The following BMERB1 variants were observed in gnomAD, a reference collection of about 807,000 sequenced individuals.
The protein encoded by BMERB1 is bMERB domain-containing protein 1.
A neutral mutation model predicts 23.6 loss-of-function variants in BMERB1; 12 were observed. The observed-to-expected ratio is 0.51, with a 90% CI of 0.33 to 0.82. BMERB1 has a LOEUF of 0.82. Among genes scored for constraint, BMERB1 ranks in the 40% least tolerant of loss-of-function variants. The pLI, the probability that BMERB1 is intolerant of heterozygous loss-of-function variation, is 0.03. For synonymous variants in BMERB1, 122 were observed against 96.6 expected (o/e 1.26, Z -1.54); for missense variants, 247 against 255.4 (o/e 0.97, Z 0.22).
intron 1 of BMERB1, among the ~76,000 whole-genome samples, chr16:15,446,877 A>C (rs1373011746): frequency 6.6e-6 from 1 of 152,188 alleles, no homozygotes. Flanking sequence ...AGACGTTCAC[A>C]AAAATGGAGG....
intron 2 of BMERB1, among the ~76,000 whole-genome samples, chr16:15,516,079 C>T (rs1209952986): frequency 1.3e-5 from 2 of 151,958 alleles, no homozygotes; most frequent in Non-Finnish European, 2.9e-5. Flanking sequence ...GAGCTATGAT[C>T]GCATCACCAC....
At chr16:15,548,632 G>A (rs2029993288) in intron 2 of BMERB1, among the ~76,000 whole-genome samples, 1 of 152,144 alleles carries the variant, frequency 6.6e-6, no homozygotes, top group African/African-American at 2.4e-5. Context: ...ACTCATTCTA[G>A]TCCTAGCCTG....
At chr16:15,484,913 C>G (rs946819259) in intron 1 of BMERB1, among the ~76,000 whole-genome samples, 4 of 152,192 alleles carry the variant, frequency 2.6e-5, no homozygotes, top group African/African-American at 9.6e-5. Flanking sequence ...TCCCATATCC[C>G]ATATCCAGCG....
chr16:15,533,306 TGAAAC>T, intron 2 of BMERB1, among the ~76,000 whole-genome samples: 1 of 152,218 alleles, frequency 6.6e-6, no homozygotes, highest in Non-Finnish European at 1.5e-5. Context: ...TCAAGGTTGT[TGAAAC>T]GACGAGAGAA....
intron 1 of BMERB1, among the ~76,000 whole-genome samples, chr16:15,448,445 C>T (rs1373795954): frequency 6.6e-6 from 1 of 152,128 alleles, no homozygotes; most frequent in Non-Finnish European, 1.5e-5. Flanking sequence ...TCTAAGTGCT[C>T]TCAATGTGAT....
intron 2 of BMERB1, among the ~76,000 whole-genome samples, chr16:15,547,003 G>T (rs932557434): frequency 2.0e-5 from 3 of 148,490 alleles, no homozygotes; most frequent in African/African-American, 7.6e-5. Flanking sequence ...AAGGGCACTG[G>T]CTCTTTTAGC....
chr16:15,524,140 A>G (rs2051883024), intron 2 of BMERB1, among the ~76,000 whole-genome samples: 1 of 152,368 alleles, frequency 6.6e-6, no homozygotes, highest in South Asian at 2.1e-4. Flanking sequence ...TTTCAGCCAC[A>G]TTCAGGAGCT....
At chr16:15,536,169 C>G (rs2052022745) in intron 2 of BMERB1, among the ~76,000 whole-genome samples, 1 of 152,098 alleles carries the variant, frequency 6.6e-6, no homozygotes, top group South Asian at 2.1e-4. Context: ...TCAGTGTTTA[C>G]TCTTTGAAGG....
At chr16:15,575,739 T>A (rs751821800) in intron 3 of BMERB1, among the ~76,000 whole-genome samples, 36 of 152,152 alleles carry the variant, frequency 2.4e-4, no homozygotes, top group Non-Finnish European at 4.4e-4. Context: ...TCTAGAGGTT[T>A]CCCGTTGGCT....
chr16:15,524,859 G>A (rs1353107127), intron 2 of BMERB1, among the ~76,000 whole-genome samples: 1 of 152,142 alleles, frequency 6.6e-6, no homozygotes, highest in Admixed American at 6.6e-5. Context: ...CAAGTTTCGA[G>A]AAGGAAAATA....
chr16:15,502,305 C>T (rs2051538426), intron 1 of BMERB1: 1 of 1,551,408 alleles, frequency 6.4e-7, no homozygotes. Context: ...TCAGTTTCCT[C>T]AGCCGCAAAT....
chr16:15,487,551 G>A (rs901274111), intron 1 of BMERB1, among the ~76,000 whole-genome samples: 3 of 152,078 alleles, frequency 2.0e-5, no homozygotes, highest in Admixed American at 1.3e-4. Flanking sequence ...AACTCAAGGC[G>A]AATCCATAGA....
intron 1 of BMERB1, among the ~76,000 whole-genome samples, chr16:15,481,419 C>G (rs915419448): frequency 2.0e-5 from 3 of 151,950 alleles, no homozygotes; most frequent in Non-Finnish European, 4.4e-5. Flanking sequence ...CCCAGCTACT[C>G]CGGAGGCTGA....
intron 1 of BMERB1, among the ~76,000 whole-genome samples, chr16:15,489,532 G>T (rs2051399278): frequency 6.6e-6 from 1 of 152,066 alleles, no homozygotes; most frequent in African/African-American, 2.4e-5. Flanking sequence ...TTCTGTGCAG[G>T]GTCATGGCAC....
chr16:15,504,884 CT>C (rs2051570197), intron 1 of BMERB1, among the ~76,000 whole-genome samples: 1 of 152,012 alleles, frequency 6.6e-6, no homozygotes, highest in Non-Finnish European at 1.5e-5. Context: ...CCCTCATGTC[CT>C]TCCCTAAATG....
At chr16:15,525,566 G>C (rs1380755406) in intron 2 of BMERB1, among the ~76,000 whole-genome samples, 2 of 152,038 alleles carry the variant, frequency 1.3e-5, no homozygotes, top group East Asian at 3.9e-4. Context: ...TTAGCCGGCT[G>C]TGGTGGCGTG....
At chr16:15,572,415 A>G (rs2030752585) in intron 3 of BMERB1, among the ~76,000 whole-genome samples, 1 of 152,190 alleles carries the variant, frequency 6.6e-6, no homozygotes, top group Non-Finnish European at 1.5e-5. Flanking sequence ...AAACGAGTGA[A>G]TAGACTTTCC....
intron 2 of BMERB1, among the ~76,000 whole-genome samples, chr16:15,542,086 C>T (rs947302332): frequency 2.9e-5 from 4 of 136,928 alleles, no homozygotes; most frequent in African/African-American, 8.9e-5. Flanking sequence ...TTTTTTGAGA[C>T]GGAGTCTCAC....
intron 1 of BMERB1, among the ~76,000 whole-genome samples, chr16:15,449,604 GGT>G (rs1299450345): frequency 6.6e-6 from 1 of 151,692 alleles, no homozygotes; most frequent in African/African-American, 2.4e-5. Context: ...GGAGTGCAAT[GGT>G]GTGATCTCAG....
Sources: gnomAD v4.1 joint callset for allele counts (sites outside exome capture counted in the v4.1 genomes callset) on GRCh38, gnomAD v4.1.1 for gene constraint, MANE v1.5 for transcripts, NCBI Gene and HGNC (gene_info 2026-07-23, HGNC 2026-07-21) for gene names.